The following ZNF385D variants were observed in gnomAD, a reference collection of about 807,000 sequenced individuals.
ZNF385D encodes the protein zinc finger protein 385D.
A neutral mutation model predicts 35.8 loss-of-function variants in ZNF385D; 15 were observed. The observed-to-expected ratio is 0.42, with a 90% CI of 0.28 to 0.64. The LOEUF (loss-of-function observed/expected upper bound fraction) is 0.64, where lower values mean the gene tolerates loss of function less well. Ranked by LOEUF, ZNF385D falls within the 30% of genes least tolerant of loss-of-function variation. ZNF385D has a pLI of 0.23. For missense variants in ZNF385D, 474 were observed against 494.6 expected (o/e 0.96, Z 0.39); for synonymous variants, 212 against 186.8 (o/e 1.13, Z -1.10).
At chr3:22,214,249 C>G (rs190429842) in intron 2 of ZNF385D, among the ~76,000 whole-genome samples, 36 of 152,148 alleles carry the variant, frequency 2.4e-4, no homozygotes, top group African/African-American at 8.2e-4. Context: ...AATCAATACC[C>G]TTGTGATTTC....
chr3:22,057,667 C>G (rs1241206202), intron 3 of ZNF385D, among the ~76,000 whole-genome samples: 1 of 151,914 alleles, frequency 6.6e-6, no homozygotes, highest in Non-Finnish European at 1.5e-5. Flanking sequence ...GCGCACACCA[C>G]CACATCCGGC....
intron 2 of ZNF385D, among the ~76,000 whole-genome samples, chr3:22,344,411 G>A (rs1374039791): frequency 2.0e-5 from 3 of 151,832 alleles, no homozygotes; most frequent in African/African-American, 7.3e-5. Flanking sequence ...TTTTGAGACA[G>A]GGTCTCCTCG....
intron 3 of ZNF385D, among the ~76,000 whole-genome samples, chr3:21,932,729 G>A (rs1350869685): frequency 6.6e-6 from 1 of 151,880 alleles, no homozygotes; most frequent in African/African-American, 2.4e-5. Flanking sequence ...AGCAGAATAG[G>A]TGAACAGATT....
intron 2 of ZNF385D, among the ~76,000 whole-genome samples, chr3:22,192,217 T>C (rs1040683841): frequency 2.6e-5 from 4 of 152,184 alleles, no homozygotes; most frequent in Non-Finnish European, 5.9e-5. Context: ...GATTTGGTGT[T>C]CAGATGCTGA....
At chr3:21,774,183 G>C (rs34727039) in intron 3 of ZNF385D, among the ~76,000 whole-genome samples, 91,360 of 151,644 alleles carry the variant, frequency 0.6, 28,784 homozygotes, top group Non-Finnish European at 0.7. Context: ...AAATCAAATA[G>C]TGCATGTCCT....
rs573787505 is a variant in ZNF385D, at chr3:22,286,802, C to G, written c.106+85648G>C. 2.0e-5 allele frequency among the ~76,000 whole-genome samples: 3 copies of G among 152,172 alleles called. No individual in the cohort carries two copies. In the South Asian group the frequency reaches 6.2e-4, roughly 32 times the overall value. ...CTTGTTTTGTGGCTTAACATATGATCTTTTCTGAAGAATCATCCACGTGCA... is the reference window on the plus strand; with the variant it reads ...CTTGTTTTGTGGCTTAACATATGATGTTTTCTGAAGAATCATCCACGTGCA... On this transcript the variant is annotated intron_variant, in intron 2 of 5. Coordinates refer to the ZNF385D transcript ENST00000494108.
intron 2 of ZNF385D, among the ~76,000 whole-genome samples, chr3:22,282,605 T>C (rs1232533288): frequency 1.3e-5 from 2 of 152,246 alleles, no homozygotes; most frequent in East Asian, 3.9e-4. Context: ...GTATTTGCTA[T>C]AATTTTGATT....
At chr3:21,955,745 G>A (rs1264742450) in intron 3 of ZNF385D, among the ~76,000 whole-genome samples, 1 of 152,102 alleles carries the variant, frequency 6.6e-6, no homozygotes, top group Admixed American at 6.6e-5. Context: ...GGTGGTAAGA[G>A]GGTTAGCTTC....
At chr3:21,487,370 C>T (rs1705111527) in intron 4 of ZNF385D, among the ~76,000 whole-genome samples, 1 of 151,746 alleles carries the variant, frequency 6.6e-6, no homozygotes, top group African/African-American at 2.4e-5. Flanking sequence ...TTATATGGCC[C>T]CAATATAAAT....
intron 2 of ZNF385D, among the ~76,000 whole-genome samples, chr3:22,283,720 A>C (rs1701884606): frequency 1.3e-5 from 2 of 152,150 alleles, no homozygotes; most frequent in Admixed American, 1.3e-4. Flanking sequence ...CTGAGTTAAT[A>C]AATGTGTGAT....
chr3:22,120,285 T>C (rs1392375955), intron 3 of ZNF385D, among the ~76,000 whole-genome samples: 2 of 151,916 alleles, frequency 1.3e-5, no homozygotes, highest in African/African-American at 4.8e-5. Context: ...TGTTGGAAGT[T>C]TGGTTTCTCC....
intron 4 of ZNF385D, among the ~76,000 whole-genome samples, chr3:21,447,191 T>C (rs1702199981): frequency 6.6e-6 from 1 of 152,100 alleles, no homozygotes; most frequent in Non-Finnish European, 1.5e-5. Flanking sequence ...TTTATCAAAA[T>C]TTGTGAGCTT....
At chr3:22,222,484 A>T (rs187413560) in intron 2 of ZNF385D, among the ~76,000 whole-genome samples, 1 of 152,204 alleles carries the variant, frequency 6.6e-6, no homozygotes, top group African/African-American at 2.4e-5. Context: ...ATTTCTTCAT[A>T]TATCTACAAA....
intron 4 of ZNF385D, among the ~76,000 whole-genome samples, chr3:21,466,817 T>C (rs17008884): frequency 0.21 from 31,197 of 152,102 alleles, 3,347 homozygotes; most frequent in East Asian, 0.26. Context: ...GATAGGTAAC[T>C]AAAGAAAAAT....
rs377610642 is a variant in ZNF385D at position 21,919,737 on chromosome 3, A to T, written c.325+249080T>A. Among the ~76,000 whole-genome samples, 14 of 152,348 alleles carry T rather than the reference A, an allele frequency of 9.2e-5. No homozygotes were observed. The East Asian group carries it at 2.5e-3, about 27-fold the overall frequency. The stretch of plus-strand genomic sequence containing the variant: ...CATACTACCATCCTGCAGAACCAGC[A>T]TTCTTCAGAACACACTTAGGACAAT... On this transcript the variant is annotated intron_variant, in intron 3 of 5. Transcript: ENST00000494108.
chr3:22,175,832 C>T (rs937351027), intron 2 of ZNF385D, among the ~76,000 whole-genome samples: 8 of 150,226 alleles, frequency 5.3e-5, no homozygotes, highest in Admixed American at 2.7e-4. Flanking sequence ...AAATAAACTA[C>T]TTCAGTAGTG....
chr3:22,229,773 C>T (rs984198440), intron 2 of ZNF385D, among the ~76,000 whole-genome samples: 1 of 152,060 alleles, frequency 6.6e-6, no homozygotes, highest in African/African-American at 2.4e-5. Context: ...CTGCTGGATA[C>T]GTTCTTTATC....
In ZNF385D at chr3:21,426,391, G is replaced by A. The variant is rs368375334; in HGVS notation, c.674-721C>T. On this transcript the variant is annotated intron_variant, in intron 5 of 7. Transcript: ENST00000281523. ...TTTAATAAACAAATAACATCTTCAGGCCTTCACACATCATTCATGCAACTC... is the reference window on the plus strand; with the variant it reads ...TTTAATAAACAAATAACATCTTCAGACCTTCACACATCATTCATGCAACTC... 7.4e-4 allele frequency among the ~76,000 whole-genome samples: 113 copies of A among 152,174 alleles called. 2 individuals are homozygous for A. The highest frequency in any genetic ancestry group is 2.5e-3 in the African/African-American group (102 of 41,528).
intron 2 of ZNF385D, among the ~76,000 whole-genome samples, chr3:21,659,117 T>A (rs1388449417): frequency 6.6e-6 from 1 of 152,072 alleles, no homozygotes; most frequent in Non-Finnish European, 1.5e-5. Flanking sequence ...GTTATCACTG[T>A]CATCGTATTT....
Sources: gnomAD v4.1 joint callset for allele counts (sites outside exome capture counted in the v4.1 genomes callset) on GRCh38, gnomAD v4.1.1 for gene constraint, MANE v1.5 for transcripts, NCBI Gene and HGNC (gene_info 2026-07-23, HGNC 2026-07-21) for gene names.